The following PLCB1 variants were observed in gnomAD, a reference collection of about 807,000 sequenced individuals.
The protein encoded by PLCB1 is phospholipase C beta 1.
A neutral mutation model predicts 161.8 loss-of-function variants in PLCB1; 46 were observed. That is an observed-to-expected ratio of 0.28 (90% CI 0.22 to 0.36). PLCB1 has a LOEUF of 0.36. Among genes scored for constraint, PLCB1 ranks in the 10% least tolerant of loss-of-function variants. The pLI, the probability that PLCB1 is intolerant of heterozygous loss-of-function variation, is 1.00. For synonymous variants in PLCB1, 517 were observed against 503.7 expected (o/e 1.03, Z -0.35); for missense variants, 1,016 against 1,472.5 (o/e 0.69, Z 5.07).
At chr20:8,266,069 C>T (rs73895706) in intron 2 of PLCB1, among the ~76,000 whole-genome samples, 2,281 of 152,220 alleles carry the variant, frequency 0.015, 52 homozygotes, top group African/African-American at 0.05. Context: ...CTTTTTCAGT[C>T]GATGTCAGTG....
intron 3 of PLCB1, among the ~76,000 whole-genome samples, chr20:8,594,160 C>G (rs540739522): frequency 6.6e-6 from 1 of 152,116 alleles, no homozygotes; most frequent in Admixed American, 6.6e-5. Flanking sequence ...CTCAACCTCC[C>G]GAAGTGCTAG....
intron 2 of PLCB1, among the ~76,000 whole-genome samples, chr20:8,302,114 T>C (rs1983936274): frequency 6.6e-6 from 1 of 152,344 alleles, no homozygotes; most frequent in South Asian, 2.1e-4. Flanking sequence ...CACCTATGCT[T>C]TCAAATGGAC....
chr20:8,524,399 C>T (rs936176683), intron 3 of PLCB1, among the ~76,000 whole-genome samples: 4 of 151,926 alleles, frequency 2.6e-5, no homozygotes, highest in Non-Finnish European at 5.9e-5. Flanking sequence ...TACAGGATAC[C>T]TAAGCCTAGG....
chr20:8,313,924 A>G (rs971496957), intron 2 of PLCB1, among the ~76,000 whole-genome samples: 2 of 152,176 alleles, frequency 1.3e-5, no homozygotes. Context: ...TATCTGTATA[A>G]CAATGTCTTG....
chr20:8,451,216 A>T (rs1195471061), intron 3 of PLCB1, among the ~76,000 whole-genome samples: 1 of 152,220 alleles, frequency 6.6e-6, no homozygotes, highest in East Asian at 1.9e-4. Flanking sequence ...TCCCATTAAA[A>T]ATTTACTCTG....
intron 9 of PLCB1, among the ~76,000 whole-genome samples, chr20:8,666,660 C>G (rs987063356): frequency 1.3e-5 from 2 of 152,206 alleles, no homozygotes; most frequent in African/African-American, 4.8e-5. Flanking sequence ...CAGACATCCA[C>G]CTAGGCACTC....
intron 3 of PLCB1, among the ~76,000 whole-genome samples, chr20:8,627,879 C>T (rs553835793): frequency 6.6e-5 from 10 of 152,328 alleles, no homozygotes; most frequent in Admixed American, 2.0e-4. Flanking sequence ...TGTTTCTTCC[C>T]TAGTCCTACG....
chr20:8,264,414 A>C (rs552497063), intron 2 of PLCB1, among the ~76,000 whole-genome samples: 1 of 152,214 alleles, frequency 6.6e-6, no homozygotes, highest in Non-Finnish European at 1.5e-5. Context: ...ACTCTAAAAT[A>C]ATAATGAAAT....
intron 3 of PLCB1, among the ~76,000 whole-genome samples, chr20:8,566,733 AG>A (rs1986348284): frequency 6.6e-6 from 1 of 151,946 alleles, no homozygotes; most frequent in Non-Finnish European, 1.5e-5. Flanking sequence ...TAGTACTTAC[AG>A]GTGGTGAAGT....
At chr20:8,776,258 T>TA (rs944100086) in intron 27 of PLCB1, among the ~76,000 whole-genome samples, 1 of 152,194 alleles carries the variant, frequency 6.6e-6, no homozygotes, top group East Asian at 1.9e-4. Flanking sequence ...ATTTTGCAGA[T>TA]AAAAAATGTA....
At chr20:8,568,308 T>C (rs1021943612) in intron 3 of PLCB1, among the ~76,000 whole-genome samples, 14 of 152,202 alleles carry the variant, frequency 9.2e-5, no homozygotes, top group Admixed American at 2.0e-4. Flanking sequence ...AGGTCAAAAA[T>C]CAGTTACTGC....
intron 31 of PLCB1, among the ~76,000 whole-genome samples, chr20:8,871,477 C>CTACA (rs1385072470): frequency 1.3e-5 from 2 of 152,202 alleles, no homozygotes; most frequent in Non-Finnish European, 2.9e-5. Context: ...TACCTTAAGG[C>CTACA]TACAATACAG....
At chr20:8,798,882 G>GA (rs34368243) in intron 31 of PLCB1, among the ~76,000 whole-genome samples, 40,235 of 151,998 alleles carry the variant, frequency 0.26, 5,460 homozygotes, top group Middle Eastern at 0.35. Flanking sequence ...GTAAAAATCA[G>GA]AAAATGTTTT....
chr20:8,879,993 A>C (rs920616959), intron 31 of PLCB1, among the ~76,000 whole-genome samples: 6 of 152,164 alleles, frequency 3.9e-5, no homozygotes, highest in Non-Finnish European at 7.4e-5. Context: ...GGCATCCCCC[A>C]AGAGCTATTG....
intron 2 of PLCB1, among the ~76,000 whole-genome samples, chr20:8,254,981 G>A (rs984040645): frequency 2.0e-5 from 3 of 151,966 alleles, no homozygotes; most frequent in Non-Finnish European, 4.4e-5. Flanking sequence ...CTTGTTAATC[G>A]TTGTCATTAC....
chr20:8,211,646 A>T (rs1274887507), intron 2 of PLCB1, among the ~76,000 whole-genome samples: 1 of 152,142 alleles, frequency 6.6e-6, no homozygotes, highest in East Asian at 1.9e-4. Context: ...AGATAGGAAC[A>T]TATAGACTGT....
intron 3 of PLCB1, among the ~76,000 whole-genome samples, chr20:8,559,725 T>C (rs1286139930): frequency 6.6e-6 from 1 of 152,028 alleles, no homozygotes; most frequent in African/African-American, 2.4e-5. Flanking sequence ...GAGGACATTA[T>C]GTATTGATAA....
rs768757206 is a variant in PLCB1, at chr20:8,651,376, A to G, written c.594+1927A>G. 3.3e-5 allele frequency: 23 copies of G among 701,104 alleles called. No homozygotes were observed. In the South Asian group the frequency reaches 3.5e-4, roughly 11 times the overall value. 43.4% of individuals were successfully genotyped at this position (701,104 alleles called of 1,614,324 possible). A position where few individuals can be genotyped will look rare whatever the true frequency, so the allele number is the denominator to read the frequency against. ...AACTTTGGTGGGTCACAAGAAAGAA[A>G]TAAGAGCACCTCTTCACTATCACCT... is the stretch of plus-strand genomic sequence containing the variant. On this transcript the variant is annotated intron_variant, in intron 7 of 31. Coordinates refer to ENST00000338037, the MANE Select transcript of PLCB1 (RefSeq NM_015192.4).
intron 2 of PLCB1, among the ~76,000 whole-genome samples, chr20:8,359,190 CTAAAT>C (rs1986460368): frequency 1.3e-5 from 2 of 152,002 alleles, no homozygotes; most frequent in South Asian, 4.1e-4. Context: ...GGTAGTAATA[CTAAAT>C]TAATAGTGTT....
Sources: allele counts gnomAD v4.1 joint callset (sites outside exome capture counted in the v4.1 genomes callset), GRCh38; gene constraint gnomAD v4.1.1; transcripts MANE v1.5; gene names NCBI Gene and HGNC (gene_info 2026-07-23, HGNC 2026-07-21).